COMMD1: variants seen among roughly 807,000 people sequenced by gnomAD.
The protein encoded by COMMD1 is COMM domain-containing protein 1.
Under a neutral mutation model 17.2 loss-of-function variants are expected in COMMD1, and 10 were observed. That is an observed-to-expected ratio of 0.58 (90% CI 0.36 to 0.99). COMMD1 has a LOEUF of 0.99. Among genes scored for constraint, COMMD1 ranks in the 50% least tolerant of loss-of-function variants. The pLI is 0.01. For missense variants in COMMD1, 270 were observed against 231.8 expected (o/e 1.17, Z -1.07); for synonymous variants, 97 against 91.6 (o/e 1.06, Z -0.34).
intron 2 of COMMD1, among the ~76,000 whole-genome samples, chr2:62,001,557 C>G (rs1279665263): frequency 6.6e-6 from 1 of 152,042 alleles, no homozygotes; most frequent in African/African-American, 2.4e-5. Flanking sequence ...TATGGTTTTT[C>G]TTGAAGTCAT....
intron 2 of COMMD1, among the ~76,000 whole-genome samples, chr2:62,066,861 G>A (rs956842618): frequency 2.6e-5 from 4 of 151,412 alleles, no homozygotes; most frequent in Non-Finnish European, 5.9e-5. Context: ...GAGTAGTTGG[G>A]ATTACAGATG....
chr2:62,039,465 A>G (rs10192209), intron 2 of COMMD1, among the ~76,000 whole-genome samples: 38 of 152,338 alleles, frequency 2.5e-4, no homozygotes, highest in African/African-American at 8.4e-4. Context: ...GGAAGTGAGA[A>G]TAGCACATTG....
intron 2 of COMMD1, among the ~76,000 whole-genome samples, chr2:62,032,747 C>A (rs1412671932): frequency 6.6e-6 from 1 of 151,982 alleles, no homozygotes; most frequent in Non-Finnish European, 1.5e-5. Flanking sequence ...CTCTCTTTCT[C>A]TCTTTCACTC....
intron 2 of COMMD1, among the ~76,000 whole-genome samples, chr2:62,095,140 T>A (rs1488851076): frequency 6.6e-6 from 1 of 152,202 alleles, no homozygotes; most frequent in African/African-American, 2.4e-5. Context: ...GACACCTGCA[T>A]TGGAATCACA....
At chr2:62,041,403 T>C (rs1478490084) in intron 2 of COMMD1, among the ~76,000 whole-genome samples, 1 of 152,170 alleles carries the variant, frequency 6.6e-6, no homozygotes, top group Admixed American at 6.5e-5. Flanking sequence ...TGAGCTGTTT[T>C]TATGCATTTT....
At chr2:62,030,284 A>T (rs534892232) in intron 2 of COMMD1, among the ~76,000 whole-genome samples, 1 of 152,152 alleles carries the variant, frequency 6.6e-6, no homozygotes, top group East Asian at 1.9e-4. Flanking sequence ...AGGGGTTCTG[A>T]TTTCTATGAC....
At chr2:62,000,635 A>C (rs578160325) in intron 1 of COMMD1, 66 bp from the exon 2 acceptor site, 1 of 1,441,694 alleles carries the variant, frequency 6.9e-7, no homozygotes, top group South Asian at 1.2e-5. Context: ...ATCTGTAGTT[A>C]AGAAGCTATC....
At chr2:61,941,393 G>A (rs185415451) in intron 1 of COMMD1, among the ~76,000 whole-genome samples, 33 of 152,264 alleles carry the variant, frequency 2.2e-4, no homozygotes, top group African/African-American at 7.7e-4. Flanking sequence ...AGGCTTCTCA[G>A]GCAATTATAT....
chr2:61,925,510 A>G (rs1368952902), intron 1 of COMMD1, among the ~76,000 whole-genome samples: 17 of 152,086 alleles, frequency 1.1e-4, no homozygotes, highest in African/African-American at 4.1e-4. Context: ...AAGTTTGTTT[A>G]TGCTTCCTAC....
chr2:61,912,531 T>G (rs1169937886), intron 1 of COMMD1, among the ~76,000 whole-genome samples: 1 of 152,110 alleles, frequency 6.6e-6, no homozygotes, highest in Non-Finnish European at 1.5e-5. Flanking sequence ...GATCAAGAGA[T>G]GGAGACCATC....
At chr2:61,953,383 T>G (rs1443553168) in intron 1 of COMMD1, among the ~76,000 whole-genome samples, 1 of 150,590 alleles carries the variant, frequency 6.6e-6, no homozygotes, top group Non-Finnish European at 1.5e-5. Context: ...TTTTTTTTTT[T>G]TTTGAGACTG....
chr2:61,994,653 T>C (rs1668704588), intron 1 of COMMD1, among the ~76,000 whole-genome samples: 2 of 152,148 alleles, frequency 1.3e-5, no homozygotes, highest in African/African-American at 4.8e-5. Flanking sequence ...GATAGCATTA[T>C]AGAATTGCAG....
intron 2 of COMMD1, among the ~76,000 whole-genome samples, chr2:62,022,591 A>AT (rs773031097): frequency 0.021 from 2,863 of 134,304 alleles, 87 homozygotes; most frequent in African/African-American, 0.064. Context: ...TAGTTTCACC[A>AT]TTTTTTTTTT....
intron 1 of COMMD1, among the ~76,000 whole-genome samples, chr2:61,970,263 A>C (rs977738487): frequency 4.3e-5 from 6 of 139,748 alleles, no homozygotes; most frequent in Non-Finnish European, 4.7e-5. Context: ...ACTCCACCTC[A>C]AAAAAAAAAA....
At chr2:62,123,963 C>T (rs1330608643) in intron 2 of COMMD1, among the ~76,000 whole-genome samples, 1 of 151,896 alleles carries the variant, frequency 6.6e-6, no homozygotes, top group Non-Finnish European at 1.5e-5. Flanking sequence ...GCCTTAATTG[C>T]ACCATAGGGT....
intron 2 of COMMD1, among the ~76,000 whole-genome samples, chr2:62,064,988 G>A (rs1034053820): frequency 6.6e-6 from 1 of 152,040 alleles, no homozygotes; most frequent in Non-Finnish European, 1.5e-5. Context: ...GCAACATGGC[G>A]AAACCCCATC....
chr2:61,920,097 G>A (rs2105191564), intron 1 of COMMD1, among the ~76,000 whole-genome samples: 1 of 152,284 alleles, frequency 6.6e-6, no homozygotes, highest in South Asian at 2.1e-4. Context: ...AAAAGATCTA[G>A]TACAGCTAGT....
intron 2 of COMMD1, among the ~76,000 whole-genome samples, chr2:62,066,471 T>C (rs1025763182): frequency 1.3e-5 from 2 of 150,910 alleles, no homozygotes; most frequent in Non-Finnish European, 2.9e-5. Flanking sequence ...AGTCTCGCTC[T>C]GTCACCCAGG....
At chr2:61,901,893 G>A (rs1669663459), upstream of COMMD1, among the ~76,000 whole-genome samples, 1 of 152,042 alleles carries the variant, frequency 6.6e-6, no homozygotes, top group African/African-American at 2.4e-5. Flanking sequence ...GAGTACAGTG[G>A]CATGATTTTG....
Sources: gnomAD v4.1 joint callset for allele counts (sites outside exome capture counted in the v4.1 genomes callset) on GRCh38, gnomAD v4.1.1 for gene constraint, MANE v1.5 for transcripts, NCBI Gene and HGNC (gene_info 2026-07-23, HGNC 2026-07-21) for gene names.